OR56A3: variants seen among roughly 807,000 people sequenced by gnomAD.
OR56A3 encodes olfactory receptor family 56 subfamily A member 3, also known as olfactory receptor 56A3.
A neutral mutation model predicts 17.5 loss-of-function variants in OR56A3; 23 were observed. The ratio of observed to expected loss-of-function variants is 1.32; its 90% CI spans 0.95 to 1.87. The LOEUF (loss-of-function observed/expected upper bound fraction) is 1.87, where lower values mean the gene tolerates loss of function less well. OR56A3 is among the 40% of genes most tolerant of loss of function. OR56A3 has a pLI of 0.00. For missense variants in OR56A3, 366 were observed against 380.1 expected, an observed-to-expected ratio of 0.96 and a Z score of 0.31; for synonymous variants, 175 against 150.6, an observed-to-expected ratio of 1.16 and a Z score of -1.19.
the OR56A3 span, among the ~76,000 whole-genome samples, chr11:5,983,284 T>A: frequency 1.3e-5 from 2 of 152,214 alleles, no homozygotes; most frequent in Non-Finnish European, 1.5e-5. Flanking sequence ...TTTTGCTATA[T>A]GTACTTTTCA....
the OR56A3 span, among the ~76,000 whole-genome samples, chr11:5,959,049 T>C: frequency 1.3e-5 from 2 of 152,210 alleles, no homozygotes; most frequent in East Asian, 3.8e-4. Flanking sequence ...ATAGGTTAAT[T>C]CCATAGGTTG....
At chr11:5,975,437 T>C in the OR56A3 span, among the ~76,000 whole-genome samples, 1 of 144,528 alleles carries the variant, frequency 6.9e-6, no homozygotes, top group African/African-American at 2.6e-5. Flanking sequence ...AATTCCCACC[T>C]ATGAGTGAGA....
chr11:6,001,936 C>A, the OR56A3 span: 3 of 1,046,874 alleles, frequency 2.9e-6, no homozygotes, highest in South Asian at 2.0e-5. Flanking sequence ...CAGAAGAATC[C>A]GAACTCAGGC....
chr11:5,986,415 T>G, the OR56A3 span: 1 of 1,613,322 alleles, frequency 6.2e-7, no homozygotes, highest in South Asian at 1.1e-5. Context: ...GGATAAGGAG[T>G]AGTAATCCCC....
chr11:5,945,950 A>G (rs1331403226), intron 2 of OR56A3, among the ~76,000 whole-genome samples: 1 of 152,246 alleles, frequency 6.6e-6, no homozygotes, highest in Admixed American at 6.5e-5. Flanking sequence ...AAGGCTGAGA[A>G]GCGATAGAAA....
rs1323615058 is a variant in OR56A3, at chr11:5,942,367, T to A, written c.-321T>A. The A allele has an allele frequency of 6.6e-6, 1 of 152,236 alleles. No individual in the cohort carries two copies. 9.4% of individuals were successfully genotyped at this position (152,236 alleles called of 1,614,324 possible). On this transcript the variant is annotated 5_prime_UTR_variant, in exon 1 of 3. Coordinates refer to ENST00000641160, the MANE Select transcript of OR56A3 (RefSeq NM_001003443.3). Reference sequence around the variant, plus strand: ...AAGGAAATAAATAAAGACTGCACCCTGTCTCAGGTAAAGAGGCTTATGTGC... The same window carrying A: ...AAGGAAATAAATAAAGACTGCACCCAGTCTCAGGTAAAGAGGCTTATGTGC...
At chr11:6,017,496 A>G in the OR56A3 span, among the ~76,000 whole-genome samples, 1 of 152,178 alleles carries the variant, frequency 6.6e-6, no homozygotes. Context: ...ACAGGTCAGG[A>G]GAGAATAGAA....
At chr11:6,001,699 C>G in the OR56A3 span, 1 of 174,902 alleles carries the variant, frequency 5.7e-6, no homozygotes, top group Non-Finnish European at 1.2e-5. Flanking sequence ...AAAAAACAGG[C>G]TGATCTTTTT....
At chr11:5,999,505 T>C in the OR56A3 span, 1 of 152,208 alleles carries the variant, frequency 6.6e-6, no homozygotes, top group Non-Finnish European at 1.5e-5. Flanking sequence ...GTACACAAAT[T>C]TAGCCAAATT....
intron 2 of OR56A3, 65 bp downstream of exon 2, chr11:5,945,147 T>A (rs1399810361): frequency 3.3e-5 from 5 of 152,222 alleles, no homozygotes; most frequent in Non-Finnish European, 7.3e-5. Context: ...ATAACTTCCT[T>A]CCTTGTCACC....
At chr11:6,003,065 G>A in the OR56A3 span, 1 of 1,613,318 alleles carries the variant, frequency 6.2e-7, no homozygotes, top group Non-Finnish European at 8.5e-7. Flanking sequence ...AACATAAAAA[G>A]TACATTCTAG....
chr11:6,000,620 AT>A, the OR56A3 span: 1 of 152,236 alleles, frequency 6.6e-6, no homozygotes, highest in Admixed American at 6.5e-5. Flanking sequence ...TAATAAAAAA[AT>A]AAAAAATAAA....
the OR56A3 span, among the ~76,000 whole-genome samples, chr11:5,970,660 T>C: frequency 4.0e-5 from 6 of 148,938 alleles, no homozygotes; most frequent in Admixed American, 2.0e-4. Context: ...GGCAAAAGAC[T>C]AGGAAGAAAA....
the OR56A3 span, chr11:5,967,594 C>T: frequency 1.2e-6 from 2 of 1,612,118 alleles, no homozygotes; most frequent in Non-Finnish European, 1.7e-6. Flanking sequence ...TGCTTGATCT[C>T]CTTGGTTCTC....
chr11:6,018,808 A>G, the OR56A3 span, among the ~76,000 whole-genome samples: 1 of 152,176 alleles, frequency 6.6e-6, no homozygotes, highest in South Asian at 2.1e-4. Context: ...AGAAAAAGAG[A>G]GAAGATGCAA....
the OR56A3 span, among the ~76,000 whole-genome samples, chr11:5,985,098 T>C: frequency 6.6e-6 from 1 of 152,268 alleles, no homozygotes; most frequent in East Asian, 1.9e-4. Flanking sequence ...CCATAACTGC[T>C]ACTATACTTA....
the OR56A3 span, among the ~76,000 whole-genome samples, chr11:5,972,745 C>T: frequency 4.6e-5 from 7 of 152,204 alleles, no homozygotes; most frequent in Non-Finnish European, 7.3e-5. Flanking sequence ...TCTTCTGCCT[C>T]AGCCTCCCGA....
chr11:6,011,287 AG>A, the OR56A3 span, among the ~76,000 whole-genome samples: 1 of 151,428 alleles, frequency 6.6e-6, no homozygotes, highest in Non-Finnish European at 1.5e-5. Flanking sequence ...ATGAAAAGGA[AG>A]TCAGGAATGC....
the OR56A3 span, chr11:5,967,721 C>T: frequency 6.2e-7 from 1 of 1,612,442 alleles, no homozygotes. Context: ...CCAGAACCAG[C>T]AGGACTGTGG....
Sources: gnomAD v4.1 joint callset for allele counts (sites outside exome capture counted in the v4.1 genomes callset) on GRCh38, gnomAD v4.1.1 for gene constraint, MANE v1.5 for transcripts, NCBI Gene and HGNC (gene_info 2026-07-23, HGNC 2026-07-21) for gene names.